Variants in AKT3 observed in about 807,000 individuals in gnomAD.
The protein encoded by AKT3 is RAC-gamma serine/threonine-protein kinase.
A neutral mutation model predicts 65.3 loss-of-function variants in AKT3; 15 were observed. That is an observed-to-expected ratio of 0.23 (90% CI 0.15 to 0.35). AKT3 has a LOEUF of 0.35. Ranked by LOEUF, AKT3 falls within the 10% of genes least tolerant of loss-of-function variation. AKT3 has a pLI of 1.00. For missense variants in AKT3, 243 were observed against 576.5 expected (o/e 0.42, Z 5.92); for synonymous variants, 206 against 183.8 (o/e 1.12, Z -0.98).
intron 2 of AKT3, among the ~76,000 whole-genome samples, chr1:243,821,421 T>C (rs1416536189): frequency 6.6e-6 from 1 of 152,034 alleles, no homozygotes; most frequent in African/African-American, 2.4e-5. Flanking sequence ...AGAATCAAAT[T>C]CACAAATAAC....
rs759690582 is a variant in AKT3, at chr1:243,849,967, A to ACCGGGGC, written c.-113+66_-113+72dup. On this transcript the variant is annotated intron_variant, in intron 1 of 13. Coordinates refer to ENST00000673466, the MANE Select transcript of AKT3 (RefSeq NM_005465.7). ...CGCCTGAGGGAGGCAGGGAGGGCGG[A>ACCGGGGC]CCGGGGCCCGGGGCCCGGAGGGAGT... The ACCGGGGC allele has an allele frequency of 5.7e-3, 5,440 of 957,760 alleles. 19 individuals carry two copies. The highest frequency in any genetic ancestry group is 6.2e-3 in the Non-Finnish European group (5,009 of 804,700). The allele number at this position is 957,760 out of a possible 1,614,324, so 59.3% of individuals were successfully genotyped here.
chr1:243,683,160 C>T (rs1010183777), intron 3 of AKT3, among the ~76,000 whole-genome samples: 1 of 152,166 alleles, frequency 6.6e-6, no homozygotes, highest in Non-Finnish European at 1.5e-5. Context: ...CATATAACCA[C>T]TCTGAGTTCC....
At chr1:243,524,157 C>T (rs966509902) in intron 12 of AKT3, among the ~76,000 whole-genome samples, 4 of 152,220 alleles carry the variant, frequency 2.6e-5, no homozygotes, top group African/African-American at 7.2e-5. Flanking sequence ...AGTAGAAATA[C>T]GCTATTATAA....
chr1:243,628,433 G>GT (rs1308283905), intron 6 of AKT3, among the ~76,000 whole-genome samples: 1 of 152,080 alleles, frequency 6.6e-6, no homozygotes, highest in South Asian at 2.1e-4. Context: ...TGAGTAGCTG[G>GT]TATCACCAGA....
chr1:243,527,920 CACACACACACACACACAGAGAGAG>C (rs1558590283), intron 12 of AKT3, among the ~76,000 whole-genome samples: 30 of 91,038 alleles, frequency 3.3e-4, no homozygotes, highest in Middle Eastern at 4.5e-3. Context: ...CACACACACA[CACACACACACACACACAGAGAGAG>C]AGAGAGAGAG....
intron 4 of AKT3, among the ~76,000 whole-genome samples, chr1:243,654,012 G>T (rs1042032994): frequency 1.3e-5 from 2 of 151,218 alleles, no homozygotes; most frequent in African/African-American, 2.4e-5. Flanking sequence ...CTTTTCAGTC[G>T]TCTTTTTTTG....
At chr1:243,795,449 G>GTTTTGTT (rs1691898953) in intron 2 of AKT3, among the ~76,000 whole-genome samples, 26 of 93,466 alleles carry the variant, frequency 2.8e-4, no homozygotes, top group African/African-American at 1.1e-3. Flanking sequence ...TGATCTCCTT[G>GTTTTGTT]TTTTTTTTTT....
intron 12 of AKT3, among the ~76,000 whole-genome samples, chr1:243,526,626 T>G (rs923613183): frequency 8.6e-5 from 13 of 151,732 alleles, no homozygotes; most frequent in African/African-American, 3.1e-4. Context: ...ACCACATGAC[T>G]TGCAAGGAAG....
At chr1:243,664,912 A>G (rs1682660422) in intron 3 of AKT3, 29 bp from the exon 4 acceptor site, 1 of 1,281,628 alleles carries the variant, frequency 7.8e-7, no homozygotes, top group African/African-American at 1.5e-5. Flanking sequence ...GTTTCTTTAA[A>G]TATGGATATA....
chr1:243,498,457 G>C (rs946044770), downstream of AKT3, among the ~76,000 whole-genome samples: 1 of 152,180 alleles, frequency 6.6e-6, no homozygotes, highest in Non-Finnish European at 1.5e-5. Context: ...TTTACGAGGA[G>C]GAGTGAGGCC....
At chr1:243,575,692 A>T (rs975605178) in intron 8 of AKT3, among the ~76,000 whole-genome samples, 3 of 152,202 alleles carry the variant, frequency 2.0e-5, no homozygotes, top group African/African-American at 7.2e-5. Context: ...CTTGATAGAT[A>T]AGAAAAAGCT....
At chr1:243,721,452 T>C (rs12411094) in intron 2 of AKT3, among the ~76,000 whole-genome samples, 4 of 152,304 alleles carry the variant, frequency 2.6e-5, no homozygotes, top group South Asian at 4.1e-4. Context: ...AAATGGATAG[T>C]TGTCCCATAT....
At position 243,751,395 on chromosome 1, in the gene AKT3, T is replaced by G. The variant is rs540809187; in HGVS notation, c.47-55679A>C. On this transcript the variant is annotated intron_variant, in intron 2 of 13. Transcript: ENST00000673466. ...TTTAGATTTACGTATCAAGAAAGCTTTAATAAGTAATCCTACAAGGAATAC... is the reference window on the plus strand; with the variant it reads ...TTTAGATTTACGTATCAAGAAAGCTGTAATAAGTAATCCTACAAGGAATAC... Among the ~76,000 whole-genome samples, 7 of 152,372 alleles carry G rather than the reference T, an allele frequency of 4.6e-5. No homozygotes were observed. The East Asian group carries it at 1.2e-3, about 25-fold the overall frequency.
At chr1:243,573,076 TG>T (rs1447262788) in intron 8 of AKT3, 28 bp from the exon 9 acceptor site, 1 of 1,607,508 alleles carries the variant, frequency 6.2e-7, no homozygotes, top group Non-Finnish European at 8.5e-7. Flanking sequence ...GGGACAGGAT[TG>T]TAATAATTAC....
At chr1:243,583,136 T>C (rs551756566) in intron 8 of AKT3, among the ~76,000 whole-genome samples, 2 of 144,614 alleles carry the variant, frequency 1.4e-5, no homozygotes, top group African/African-American at 2.6e-5. Context: ...ATATATTCCA[T>C]ATATATATCT....
intron 2 of AKT3, among the ~76,000 whole-genome samples, chr1:243,747,455 T>C (rs111352146): frequency 1.3e-5 from 2 of 152,168 alleles, no homozygotes; most frequent in Non-Finnish European, 2.9e-5. Context: ...TTCAACAAAA[T>C]TTGGGGAAAG....
chr1:243,706,188 T>A (rs1231038944), intron 2 of AKT3, among the ~76,000 whole-genome samples: 1 of 152,182 alleles, frequency 6.6e-6, no homozygotes, highest in Admixed American at 6.5e-5. Context: ...ATTCAATGAC[T>A]AAATAAACCT....
intron 8 of AKT3, among the ~76,000 whole-genome samples, chr1:243,586,005 G>C (rs1675774044): frequency 6.6e-6 from 1 of 152,082 alleles, no homozygotes; most frequent in African/African-American, 2.4e-5. Flanking sequence ...TATCCAAAGT[G>C]TATAAGAAAG....
At chr1:243,850,512 C>G (rs1695735311), upstream of AKT3, among the ~76,000 whole-genome samples, 1 of 151,158 alleles carries the variant, frequency 6.6e-6, no homozygotes, top group Non-Finnish European at 1.5e-5. Context: ...GGCCTCCTCC[C>G]GGGCTGCGCC....
Sources: allele counts gnomAD v4.1 joint callset (sites outside exome capture counted in the v4.1 genomes callset), GRCh38; gene constraint gnomAD v4.1.1; transcripts MANE v1.5; gene names NCBI Gene and HGNC (gene_info 2026-07-23, HGNC 2026-07-21).